Variants in WDR7 observed in about 807,000 individuals in gnomAD.
WDR7 encodes the protein WD repeat domain 7, also known as WD repeat-containing protein 7.
In WDR7, 46 loss-of-function variants were observed where a neutral mutation model predicts 169.4. The ratio of observed to expected loss-of-function variants is 0.27; its 90% CI spans 0.21 to 0.35. WDR7 has a LOEUF of 0.35. WDR7 is among the 10% of genes least tolerant of loss of function. The pLI is 1.00. For synonymous variants in WDR7, 612 were observed against 666.8 expected (o/e 0.92, Z 1.27); for missense variants, 1,534 against 1,859.3 (o/e 0.83, Z 3.22).
chr18:56,916,954 T>G (rs1162426042), intron 21 of WDR7, among the ~76,000 whole-genome samples: 3 of 152,078 alleles, frequency 2.0e-5, no homozygotes, highest in Admixed American at 6.5e-5. Flanking sequence ...TCCCAGTACT[T>G]TGGGAGGCCG....
At chr18:56,770,952 G>A (rs1220069549) in intron 16 of WDR7, among the ~76,000 whole-genome samples, 2 of 152,174 alleles carry the variant, frequency 1.3e-5, no homozygotes, top group African/African-American at 4.8e-5. Flanking sequence ...TCAGCACCAT[G>A]ATGAATGGTA....
At chr18:56,986,948 C>A (rs1423649426) in intron 26 of WDR7, among the ~76,000 whole-genome samples, 1 of 151,974 alleles carries the variant, frequency 6.6e-6, no homozygotes, top group Non-Finnish European at 1.5e-5. Context: ...AGTTCAGTAA[C>A]CTTTGGGAAA....
At chr18:56,656,635 T>C (rs1181889194) in intron 1 of WDR7, among the ~76,000 whole-genome samples, 3 of 152,024 alleles carry the variant, frequency 2.0e-5, no homozygotes, top group African/African-American at 7.3e-5. Context: ...AGTGTGGTCT[T>C]AATTTGCATT....
chr18:56,977,574 T>A (rs2047585954), intron 26 of WDR7, among the ~76,000 whole-genome samples: 2 of 152,244 alleles, frequency 1.3e-5, no homozygotes, highest in African/African-American at 4.8e-5. Flanking sequence ...AGTAGGTGCT[T>A]AGAAATAATT....
intron 21 of WDR7, among the ~76,000 whole-genome samples, chr18:56,901,482 C>T (rs1207801615): frequency 6.6e-6 from 1 of 152,088 alleles, no homozygotes; most frequent in Non-Finnish European, 1.5e-5. Context: ...TTTGCATTTA[C>T]AGATAAATAA....
chr18:56,855,774 A>G (rs1446497810), intron 20 of WDR7, among the ~76,000 whole-genome samples: 3 of 152,066 alleles, frequency 2.0e-5, no homozygotes, highest in African/African-American at 7.2e-5. Context: ...TGTCTTGGTT[A>G]TTCTTGGCCC....
At chr18:56,934,420 T>G (rs1488240725) in intron 22 of WDR7, among the ~76,000 whole-genome samples, 1 of 151,868 alleles carries the variant, frequency 6.6e-6, no homozygotes, top group Non-Finnish European at 1.5e-5. Context: ...GGTGGGGAGA[T>G]GCCCACCGAT....
intron 22 of WDR7, among the ~76,000 whole-genome samples, chr18:56,930,070 G>A (rs1251925411): frequency 6.6e-6 from 1 of 152,158 alleles, no homozygotes; most frequent in Non-Finnish European, 1.5e-5. Context: ...CTGCTGAAGG[G>A]GCCGGGCGAG....
At chr18:56,770,837 A>G (rs1046312379) in intron 16 of WDR7, among the ~76,000 whole-genome samples, 1 of 151,764 alleles carries the variant, frequency 6.6e-6, no homozygotes, top group African/African-American at 2.4e-5. Flanking sequence ...TTGCATTTCT[A>G]TATTGCTTCT....
chr18:56,710,565 T>C (rs978372914), intron 12 of WDR7, among the ~76,000 whole-genome samples: 5 of 152,230 alleles, frequency 3.3e-5, no homozygotes, highest in Non-Finnish European at 7.3e-5. Context: ...ATATTGAATG[T>C]GTTTGTATGT....
intron 26 of WDR7, among the ~76,000 whole-genome samples, chr18:57,016,101 G>T (rs1282966537): frequency 6.6e-6 from 1 of 152,088 alleles, no homozygotes; most frequent in Non-Finnish European, 1.5e-5. Flanking sequence ...TGGGGAGGAC[G>T]TATTTCGGCT....
intron 12 of WDR7, among the ~76,000 whole-genome samples, chr18:56,705,218 G>T (rs2025921517): frequency 6.6e-6 from 1 of 151,928 alleles, no homozygotes; most frequent in South Asian, 2.1e-4. Flanking sequence ...ACATATTTTT[G>T]ATTAGACATT....
At chr18:57,030,655 G>A (rs1055103219), downstream of WDR7, 1 of 152,190 alleles carries the variant, frequency 6.6e-6, no homozygotes, top group Admixed American at 6.5e-5. Context: ...TTTGGAGCCA[G>A]GAGGGAAATA....
chr18:56,804,477 A>G (rs769813161), intron 19 of WDR7, among the ~76,000 whole-genome samples: 1 of 152,222 alleles, frequency 6.6e-6, no homozygotes, highest in Non-Finnish European at 1.5e-5. Context: ...TTCATAGTCC[A>G]CTTCACACAA....
At chr18:57,000,638 A>G (rs1280572521) in intron 26 of WDR7, among the ~76,000 whole-genome samples, 2 of 152,172 alleles carry the variant, frequency 1.3e-5, no homozygotes, top group Non-Finnish European at 1.5e-5. Context: ...AGAGAAGAGG[A>G]AAGCCCTTTT....
chr18:56,987,531 T>A (rs866119652), intron 26 of WDR7, among the ~76,000 whole-genome samples: 1 of 152,154 alleles, frequency 6.6e-6, no homozygotes, highest in Non-Finnish European at 1.5e-5. Context: ...TCACAGTGAA[T>A]TGGAAAGCAG....
intron 26 of WDR7, among the ~76,000 whole-genome samples, chr18:56,971,516 A>G (rs1035471869): frequency 1.3e-5 from 2 of 152,192 alleles, no homozygotes; most frequent in African/African-American, 4.8e-5. Flanking sequence ...TAGAAGGCAG[A>G]TATACATCCA....
chr18:56,914,459 G>A (rs536386178), intron 21 of WDR7, among the ~76,000 whole-genome samples: 5 of 152,248 alleles, frequency 3.3e-5, no homozygotes, highest in South Asian at 2.1e-4. Context: ...CAGTAAATAC[G>A]AAATGAATAA....
At chr18:56,982,673 A>T (rs983862148) in intron 26 of WDR7, among the ~76,000 whole-genome samples, 3 of 152,188 alleles carry the variant, frequency 2.0e-5, no homozygotes, top group African/African-American at 7.2e-5. Context: ...TATGGGACTT[A>T]AAAAAATCCC....
Sources: gnomAD v4.1 joint callset for allele counts (sites outside exome capture counted in the v4.1 genomes callset) on GRCh38, gnomAD v4.1.1 for gene constraint, MANE v1.5 for transcripts, NCBI Gene and HGNC (gene_info 2026-07-23, HGNC 2026-07-21) for gene names.